The following GTF3C5 variants were observed in gnomAD, a reference collection of about 807,000 sequenced individuals.
GTF3C5 encodes the protein general transcription factor IIIC subunit 5.
Under a neutral mutation model 61.0 loss-of-function variants are expected in GTF3C5, and 47 were observed. The ratio of observed to expected loss-of-function variants is 0.77; its 90% CI spans 0.61 to 0.98. The LOEUF is 0.98. Ranked by LOEUF, GTF3C5 falls within the 50% of genes least tolerant of loss-of-function variation. GTF3C5 has a pLI of 0.00. For missense variants in GTF3C5, 659 were observed against 703.3 expected (o/e 0.94, Z 0.71); for synonymous variants, 295 against 275.4 (o/e 1.07, Z -0.71).
upstream of GTF3C5, chr9:133,030,746 G>C: frequency 1.7e-6 from 1 of 581,784 alleles, no homozygotes; most frequent in Admixed American, 3.0e-5. Context: ...GCTAGTAGGA[G>C]AGACTGGTGC....
intron 3 of GTF3C5, 125 bp downstream of exon 3, chr9:133,044,051 T>A (rs1229440610): frequency 3.0e-5 from 20 of 672,216 alleles, no homozygotes; most frequent in Non-Finnish European, 4.9e-6. Context: ...AGGCTGAGGC[T>A]GGAGAATCAC....
intron 9 of GTF3C5, 54 bp from the exon 10 acceptor site, chr9:133,056,712 C>G: frequency 6.6e-7 from 1 of 1,523,368 alleles, no homozygotes; most frequent in Non-Finnish European, 8.8e-7. Context: ...ACTGGCATCT[C>G]TTAGCAGAGA....
intron 3 of GTF3C5, among the ~76,000 whole-genome samples, chr9:133,045,631 C>T (rs1009505337): frequency 6.6e-6 from 1 of 152,006 alleles, no homozygotes; most frequent in Non-Finnish European, 1.5e-5. Flanking sequence ...AATGAAAGGG[C>T]CTTTTTTTCT....
At chr9:133,050,743 C>A in intron 3 of GTF3C5, 40 bp from the exon 4 acceptor site, 1 of 1,495,242 alleles carries the variant, frequency 6.7e-7, no homozygotes. Flanking sequence ...CCTGGGATGG[C>A]CTTGGTGCTC....
At position 133,043,938 on chromosome 9, in the gene GTF3C5, C is replaced by T. The variant is rs527961085; in HGVS notation, c.572+12C>T. The T allele has an allele frequency of 1.3e-6, 2 of 1,599,830 alleles. No homozygotes were observed. Among genetic ancestry groups the T allele is most frequent in the African/African-American group, 2.7e-5 (2 of 74,696 alleles). ...GAGACCCAGCACCGGTAAGGCCCCC[C>T]TCCATGCAGCCTCGGTTCTCTATCC... On this transcript the variant is annotated intron_variant, in intron 3 of 10. Transcript: ENST00000372097.
At chr9:133,040,963 C>A (rs539483424) in intron 1 of GTF3C5, among the ~76,000 whole-genome samples, 6 of 152,206 alleles carry the variant, frequency 3.9e-5, no homozygotes, top group Non-Finnish European at 5.9e-5. Flanking sequence ...AATCCTCGCT[C>A]TATAATCATA....
rs542588173 is a variant in GTF3C5, at chr9:133,054,753, G to C, written c.1111G>C (p.Gly371Arg). 5.7e-6 allele frequency: 9 copies of C among 1,584,660 alleles called. No homozygotes were observed. In the African/African-American group the frequency reaches 1.1e-4, roughly 19 times the overall value. ...CATGCATGACCTGAAGCAGGGCCTG[G>C]GCCCGTCGGGGACGAGTGGTGCTCG... ...VTMHDLKQGL[G>R]PSGTSGARKP... Residue 371 changes from glycine to arginine, a missense_variant, in exon 8 of 11, where the codon GGC becomes CGC. Physicochemically the swap from Gly to Arg is moderately radical, Grantham distance 125. Transcript: ENST00000372097.
At chr9:133,049,428 T>C (rs1158954259) in intron 3 of GTF3C5, among the ~76,000 whole-genome samples, 1 of 152,270 alleles carries the variant, frequency 6.6e-6, no homozygotes, top group Non-Finnish European at 1.5e-5. Context: ...AAATTACTGC[T>C]ATTCTTTGTA....
Position 133,043,717 on chromosome 9 carries a change from T to C in GTF3C5, c.374-11T>C, listed in dbSNP as rs1249921654. 4 of 1,612,290 alleles carry C rather than the reference T, an allele frequency of 2.5e-6. No homozygotes were observed. The Admixed American group carries it at 6.7e-5, about 27-fold the overall frequency. On this transcript the variant is annotated splice_polypyrimidine_tract_variant and intron_variant, in intron 2 of 10. Coordinates refer to ENST00000372097, the MANE Select transcript of GTF3C5 (RefSeq NM_012087.4). ...ACTCAATGTCTGCCATCTGCCCACC[T>C]CTCTTTCTAGGGATGTCTGACTTCC... is the stretch of plus-strand genomic sequence containing the variant.
At chr9:133,032,844 A>T (rs1849767782) in intron 1 of GTF3C5, among the ~76,000 whole-genome samples, 1 of 152,172 alleles carries the variant, frequency 6.6e-6, no homozygotes, top group Non-Finnish European at 1.5e-5. Flanking sequence ...TTATCCCAGA[A>T]TTTTAAGCTA....
intron 1 of GTF3C5, among the ~76,000 whole-genome samples, chr9:133,040,565 G>A (rs1018976715): frequency 2.0e-5 from 3 of 152,254 alleles, no homozygotes; most frequent in African/African-American, 7.2e-5. Context: ...ACCAAAAAGA[G>A]TGTTGGTATT....
chr9:133,055,401 T>TTGC, intron 8 of GTF3C5: 1 of 1,288,634 alleles, frequency 7.8e-7, no homozygotes, highest in Non-Finnish European at 1.0e-6. Flanking sequence ...TGCGAGGGAC[T>TTGC]TGCTGTCCCC....
At chr9:133,034,002 A>C (rs1849800285) in intron 1 of GTF3C5, among the ~76,000 whole-genome samples, 1 of 152,034 alleles carries the variant, frequency 6.6e-6, no homozygotes, top group African/African-American at 2.4e-5. Flanking sequence ...TTAACCGCCG[A>C]TGGTCCAGTC....
chr9:133,053,732 CT>C, intron 5 of GTF3C5, 95 bp from the exon 6 acceptor site: 1 of 713,032 alleles, frequency 1.4e-6, no homozygotes, highest in Non-Finnish European at 2.4e-6. Flanking sequence ...CTGTCCCCAG[CT>C]CCTGAGCTCT....
At position 133,043,762 on chromosome 9, in the gene GTF3C5, G is replaced by A. The variant is rs575422131; in HGVS notation, c.408G>A (p.Thr136=). The A allele has an allele frequency of 2.3e-5, 37 of 1,614,166 alleles. No individual in the cohort carries two copies. Among genetic ancestry groups the A allele is most frequent in the East Asian group, 1.8e-4 (8 of 44,874 alleles). The change falls in exon 3 of 11, where the codon ACG becomes ACA. Residue 136 remains threonine, a synonymous_variant. Transcript: ENST00000372097. ...ACTTCCAGTACTTGGCTGTGCATAC[G>A]GAAGCAGGCGGCAAGCATACGTCAA... ...MSDFQYLAVH[T]EAGGKHTSMY... is the part of the protein sequence containing the mutation.
Position 133,055,119 on chromosome 9 carries a change from C to A in GTF3C5, c.1167+310C>A, listed in dbSNP as rs939034630. ...CCTGGGCCCCCACTGAGCCACGTGA[C>A]CACTCCGGGAATGATCGGAATTGGG... On this transcript the variant is annotated intron_variant, in intron 8 of 10. Transcript: ENST00000372097. 8.4e-6 allele frequency: 13 copies of A among 1,549,434 alleles called. No individual in the cohort carries two copies. The Admixed American group carries it at 2.2e-4, about 26-fold the overall frequency.
chr9:133,050,242 A>G (rs562046375), intron 3 of GTF3C5, among the ~76,000 whole-genome samples: 17 of 152,248 alleles, frequency 1.1e-4, no homozygotes, highest in African/African-American at 3.4e-4. Context: ...CAGCTGCTTT[A>G]TTAGAAAATG....
intron 8 of GTF3C5, chr9:133,055,318 G>A: frequency 7.3e-7 from 1 of 1,375,626 alleles, no homozygotes; most frequent in Non-Finnish European, 9.6e-7. Context: ...AGGCCGAGAA[G>A]GGGGCATCCC....
intron 8 of GTF3C5, chr9:133,055,376 A>G: frequency 7.6e-7 from 1 of 1,309,898 alleles, no homozygotes; most frequent in East Asian, 5.1e-5. Flanking sequence ...AGATGAGTGC[A>G]GCAGAGACGG....
Sources: gnomAD v4.1 joint callset for allele counts (sites outside exome capture counted in the v4.1 genomes callset) on GRCh38, gnomAD v4.1.1 for gene constraint, MANE v1.5 for transcripts, NCBI Gene and HGNC (gene_info 2026-07-23, HGNC 2026-07-21) for gene names.